The following PRKCA variants were observed in gnomAD, a reference collection of about 807,000 sequenced individuals.
The protein encoded by PRKCA is protein kinase C alpha.
PRKCA carries 27 observed loss-of-function variants against 87.0 expected under a neutral mutation model. The observed-to-expected ratio is 0.31, with a 90% CI of 0.23 to 0.43. The LOEUF is 0.43. PRKCA is among the 20% of genes least tolerant of loss of function. PRKCA has a pLI of 1.00. For missense variants in PRKCA, 518 were observed against 852.3 expected (o/e 0.61, Z 4.88); for synonymous variants, 329 against 311.1 (o/e 1.06, Z -0.61).
At chr17:66,398,711 G>A (rs551576060) in intron 2 of PRKCA, among the ~76,000 whole-genome samples, 1 of 152,226 alleles carries the variant, frequency 6.6e-6, no homozygotes, top group East Asian at 1.9e-4. Flanking sequence ...ATTAATGAAC[G>A]AGAAAGGCAG....
Position 66,804,196 on chromosome 17 carries a change from C to T in PRKCA, c.*159C>T, listed in dbSNP as rs908716843. On this transcript the variant is annotated 3_prime_UTR_variant, in exon 17 of 17. Transcript: ENST00000413366. ...ATTAGTCCAAATGTGATCAACTGTT[C>T]AGGGTCTCTCTCTTACAACCAAGAA... The T allele has an allele frequency of 2.1e-5, 20 of 957,902 alleles. No individual in the cohort carries two copies. In the African/African-American group the frequency reaches 3.3e-4, roughly 16 times the overall value. 59.3% of individuals were successfully genotyped at this position (957,902 alleles called of 1,614,324 possible).
chr17:66,383,620 G>A lies in PRKCA; in HGVS notation c.205+77493G>A, dbSNP rs189479824. Among the ~76,000 whole-genome samples, 195 of 152,238 alleles carry A rather than the reference G, an allele frequency of 1.3e-3. 1 individual carries two copies. Among genetic ancestry groups the A allele is most frequent in the African/African-American group, 4.2e-3 (176 of 41,530 alleles). Reference sequence around the variant, plus strand: ...GAAGAAGTTTATTAAGATAAATTGCGATAGTTTCAACTTTCTTGGAGTACT... The same window carrying A: ...GAAGAAGTTTATTAAGATAAATTGCAATAGTTTCAACTTTCTTGGAGTACT... On this transcript the variant is annotated intron_variant, in intron 2 of 16. Coordinates refer to ENST00000413366, the MANE Select transcript of PRKCA (RefSeq NM_002737.3).
chr17:66,721,310 T>C (rs554693959), intron 8 of PRKCA, among the ~76,000 whole-genome samples: 7 of 146,800 alleles, frequency 4.8e-5, no homozygotes, highest in Admixed American at 3.5e-4. Flanking sequence ...GGCAGGAGAA[T>C]GGCGTGTATC....
At position 66,580,761 on chromosome 17, in the gene PRKCA, C is replaced by T. The variant is rs116034292; in HGVS notation, c.289-60594C>T. 4.4e-3 allele frequency among the ~76,000 whole-genome samples: 674 copies of T among 152,260 alleles called. 4 individuals carry two copies. The highest frequency in any genetic ancestry group is 0.015 in the African/African-American group (611 of 41,554). ...ACCCAGATCAGGAAACAGAACATGACGCCACCCTGCGCCCTTCTTGCTTCC... is the reference window on the plus strand; with the variant it reads ...ACCCAGATCAGGAAACAGAACATGATGCCACCCTGCGCCCTTCTTGCTTCC... On this transcript the variant is annotated intron_variant, in intron 3 of 16. Coordinates refer to ENST00000413366, the MANE Select transcript of PRKCA (RefSeq NM_002737.3).
intron 2 of PRKCA, among the ~76,000 whole-genome samples, chr17:66,372,152 A>G (rs1196613094): frequency 2.0e-5 from 3 of 152,206 alleles, no homozygotes; most frequent in Non-Finnish European, 4.4e-5. Flanking sequence ...TCTGCATCTG[A>G]GATCCTGACT....
chr17:66,760,890 C>A (rs1341616526), intron 13 of PRKCA, among the ~76,000 whole-genome samples: 1 of 152,124 alleles, frequency 6.6e-6, no homozygotes, highest in Non-Finnish European at 1.5e-5. Context: ...TTCATTTGAT[C>A]CTCTTCTGAC....
intron 2 of PRKCA, among the ~76,000 whole-genome samples, chr17:66,489,191 C>T (rs1388874073): frequency 1.3e-5 from 2 of 151,788 alleles, no homozygotes; most frequent in Admixed American, 1.3e-4. Context: ...GAATATGTTA[C>T]ATAATGGCTT....
At chr17:66,738,939 T>C in intron 11 of PRKCA, 84 bp downstream of exon 11, 5 of 1,057,700 alleles carry the variant, frequency 4.7e-6, no homozygotes, top group East Asian at 2.6e-5. Context: ...CCGCTTGAGA[T>C]TGGGGGTCTC....
intron 2 of PRKCA, among the ~76,000 whole-genome samples, chr17:66,314,983 ATGTGTATATATATGTGTATATATG>A (rs1341022416): frequency 2.0e-5 from 3 of 150,490 alleles, no homozygotes; most frequent in Admixed American, 6.6e-5. Flanking sequence ...GTGTGTATGT[ATGTGTATATATATGTGTATATATG>A]TGTGTATATA....
At position 66,621,898 on chromosome 17, in the gene PRKCA, A is replaced by G. The variant is rs80111197; in HGVS notation, c.289-19457A>G. On this transcript the variant is annotated intron_variant, in intron 3 of 16. Coordinates refer to ENST00000413366, the MANE Select transcript of PRKCA (RefSeq NM_002737.3). ...AATTCAGAGAGTCAGCAAGAAGAAA[A>G]GGGTCTTTAAAAATAAGTTGAGGCT... Among the ~76,000 whole-genome samples the G allele has an allele frequency of 8.2e-4, 125 of 152,332 alleles. 1 individual carries two copies. The highest frequency in any genetic ancestry group is 2.9e-3 in the African/African-American group (121 of 41,570).
intron 5 of PRKCA, among the ~76,000 whole-genome samples, chr17:66,652,263 A>G (rs1598846485): frequency 6.6e-6 from 1 of 152,166 alleles, no homozygotes; most frequent in African/African-American, 2.4e-5. Flanking sequence ...CTGGCCAACC[A>G]TTCTTGATTA....
At chr17:66,634,185 A>T (rs1419029451) in intron 3 of PRKCA, among the ~76,000 whole-genome samples, 1 of 152,192 alleles carries the variant, frequency 6.6e-6, no homozygotes, top group East Asian at 1.9e-4. Context: ...CTTTCAATAG[A>T]ATTTGAATTT....
chr17:66,752,986 A>C (rs1458368911), intron 13 of PRKCA, among the ~76,000 whole-genome samples: 1 of 152,246 alleles, frequency 6.6e-6, no homozygotes, highest in Non-Finnish European at 1.5e-5. Flanking sequence ...GCCAGGGACT[A>C]GATAAAAAAT....
At chr17:66,504,855 T>C (rs1916901971) in intron 3 of PRKCA, among the ~76,000 whole-genome samples, 1 of 152,154 alleles carries the variant, frequency 6.6e-6, no homozygotes, top group African/African-American at 2.4e-5. Flanking sequence ...CATCCAGCAG[T>C]GCCTACACTC....
At chr17:66,433,295 T>C (rs550048113) in intron 2 of PRKCA, among the ~76,000 whole-genome samples, 125 of 152,262 alleles carry the variant, frequency 8.2e-4, no homozygotes, top group Non-Finnish European at 1.5e-3. Flanking sequence ...GCCCCGGCCC[T>C]GGCCCTGGTC....
intron 8 of PRKCA, among the ~76,000 whole-genome samples, chr17:66,692,004 G>C (rs1321795565): frequency 6.6e-6 from 1 of 152,244 alleles, no homozygotes; most frequent in Non-Finnish European, 1.5e-5. Flanking sequence ...GAGGACCTGA[G>C]CAAAACGAAG....
Position 66,480,579 on chromosome 17 carries a change from G to T in PRKCA, c.206-15622G>T, listed in dbSNP as rs963860098. On this transcript the variant is annotated intron_variant, in intron 2 of 16. Coordinates refer to ENST00000413366, the MANE Select transcript of PRKCA (RefSeq NM_002737.3). ...AATTAAAAATTGCCACTGCATTATG[G>T]TGGCCTCAGATTTCAGAAGAAACAT... is the stretch of plus-strand genomic sequence containing the variant. 2.0e-5 allele frequency among the ~76,000 whole-genome samples: 3 copies of T among 152,110 alleles called. No individual in the cohort carries two copies. The South Asian group carries it at 6.2e-4, about 32-fold the overall frequency.
At position 66,399,080 on chromosome 17, in the gene PRKCA, A is replaced by ATTTCC. The variant is rs1567808865; in HGVS notation, c.205+92956_205+92957insCCTTT. 2.9e-3 allele frequency among the ~76,000 whole-genome samples: 354 copies of ATTTCC among 123,732 alleles called. 3 individuals are homozygous for ATTTCC. The highest frequency in any genetic ancestry group is 0.01 in the African/African-American group (341 of 32,876). 81.2% of individuals were successfully genotyped at this position (123,732 alleles called of 152,430 possible). ...ATTGATGCACCATGTGGTAGACAGCATTTTCTTTTCTTTTCTTTTCTTTTT... is the reference window on the plus strand; with the variant it reads ...ATTGATGCACCATGTGGTAGACAGCATTTCCTTTTCTTTTCTTTTCTTTTCTTTTT... On this transcript the variant is annotated intron_variant, in intron 2 of 16. Transcript: ENST00000413366.
At chr17:66,326,391 C>T (rs1905983804) in intron 2 of PRKCA, among the ~76,000 whole-genome samples, 1 of 152,158 alleles carries the variant, frequency 6.6e-6, no homozygotes, top group African/African-American at 2.4e-5. Flanking sequence ...TAAGAGCATG[C>T]TCTTTAATTT....
Sources: gnomAD v4.1 joint callset for allele counts (sites outside exome capture counted in the v4.1 genomes callset) on GRCh38, gnomAD v4.1.1 for gene constraint, MANE v1.5 for transcripts, NCBI Gene and HGNC (gene_info 2026-07-23, HGNC 2026-07-21) for gene names.